TAB2: variants seen among roughly 807,000 people sequenced by gnomAD.
The protein encoded by TAB2 is TGF-beta activated kinase 1 (MAP3K7) binding protein 2, also known as TGF-beta-activated kinase 1 and MAP3K7-binding protein 2.
A neutral mutation model predicts 65.0 loss-of-function variants in TAB2; 3 were observed. The ratio of observed to expected loss-of-function variants is 0.05; its 90% CI spans 0.02 to 0.12. The LOEUF (loss-of-function observed/expected upper bound fraction) is 0.12, where lower values mean the gene tolerates loss of function less well. Ranked by LOEUF, TAB2 falls within the 10% of genes least tolerant of loss-of-function variation. The pLI is 1.00. For missense variants in TAB2, 623 were observed against 840.3 expected (o/e 0.74, Z 3.20); for synonymous variants, 298 against 285.1 (o/e 1.05, Z -0.46).
intron 1 of TAB2, among the ~76,000 whole-genome samples, chr6:149,306,252 A>G (rs1260818640): frequency 6.6e-6 from 1 of 151,892 alleles, no homozygotes; most frequent in Non-Finnish European, 1.5e-5. Context: ...CTAAAAATAC[A>G]AAAATTGGCC....
At chr6:149,282,236 A>G (rs1437903453) in intron 1 of TAB2, among the ~76,000 whole-genome samples, 4 of 152,160 alleles carry the variant, frequency 2.6e-5, no homozygotes, top group Non-Finnish European at 5.9e-5. Flanking sequence ...CTAAATGTCT[A>G]TGCGTCTATA....
chr6:149,293,075 A>G (rs1459319224), intron 1 of TAB2, among the ~76,000 whole-genome samples: 1 of 152,202 alleles, frequency 6.6e-6, no homozygotes, highest in African/African-American at 2.4e-5. Flanking sequence ...AGAACTCCAG[A>G]AATGGCCTTC....
rs548027172 is a variant in TAB2 at position 149,390,914 on chromosome 6, T to C, written c.1604-6690T>C. Among the ~76,000 whole-genome samples the C allele has an allele frequency of 4.6e-5, 7 of 152,360 alleles. No individual in the cohort carries two copies. In the South Asian group the frequency reaches 1.4e-3, roughly 32 times the overall value. On this transcript the variant is annotated intron_variant, in intron 3 of 6. Coordinates refer to ENST00000637181, the MANE Select transcript of TAB2 (RefSeq NM_001292034.3). The stretch of plus-strand genomic sequence containing the variant: ...TTGTTGTTGTTCTCTGCCTTTATCA[T>C]ATCCTTTCAGCATCTCCAAGATACC...
chr6:149,256,975 G>A (rs1778050251), intron 1 of TAB2, among the ~76,000 whole-genome samples: 1 of 152,172 alleles, frequency 6.6e-6, no homozygotes, highest in Non-Finnish European at 1.5e-5. Context: ...TAGTTCTAAA[G>A]AAAACCAATC....
chr6:149,360,329 C>G (rs1022877283), intron 1 of TAB2, among the ~76,000 whole-genome samples: 5 of 152,122 alleles, frequency 3.3e-5, no homozygotes, highest in Non-Finnish European at 4.4e-5. Flanking sequence ...AAGTATGTTG[C>G]CAAGCATCGG....
In TAB2 at chr6:149,378,117, A is replaced by G. The variant is rs1473971289; in HGVS notation, c.202A>G (p.Ile68Val). Reference sequence around the variant, plus strand: ...CTTGAATTTTTCAGATGATTCTGGAATTTCTGGTCTACGCAATCACATGAC... The same window carrying G: ...CTTGAATTTTTCAGATGATTCTGGAGTTTCTGGTCTACGCAATCACATGAC... ...GDLNFSDDSG[I>V]SGLRNHMTSL... The change falls in exon 3 of 7, where the codon ATT becomes GTT. Residue 68 changes from isoleucine (I) to valine (V), a missense_variant. Transcript: ENST00000637181. 6.2e-7 allele frequency: 1 copy of G among 1,614,084 alleles called. No homozygotes were observed. Among genetic ancestry groups the G allele is most frequent in the Non-Finnish European group, 8.5e-7 (1 of 1,180,046 alleles).
intron 3 of TAB2, among the ~76,000 whole-genome samples, chr6:149,390,847 G>A (rs9404034): frequency 2.4e-4 from 37 of 152,006 alleles, no homozygotes; most frequent in Non-Finnish European, 2.1e-4. Flanking sequence ...TCACTGCAAA[G>A]CCCAGTCATT....
chr6:149,405,166 C>G (rs1782621134), intron 6 of TAB2, among the ~76,000 whole-genome samples: 1 of 152,170 alleles, frequency 6.6e-6, no homozygotes, highest in African/African-American at 2.4e-5. Context: ...TTGAAAGGTA[C>G]TCACCCTCAC....
intron 6 of TAB2, among the ~76,000 whole-genome samples, chr6:149,407,747 T>C (rs1782714686): frequency 6.6e-6 from 1 of 151,980 alleles, no homozygotes; most frequent in East Asian, 1.9e-4. Flanking sequence ...TTTCCAATTT[T>C]GGTTATTTAG....
At chr6:149,249,320 C>T (rs918997396) in intron 1 of TAB2, among the ~76,000 whole-genome samples, 2 of 152,102 alleles carry the variant, frequency 1.3e-5, no homozygotes, top group African/African-American at 4.8e-5. Flanking sequence ...AGAATAATCC[C>T]CTCTTCAGCA....
chr6:149,263,886 G>T (rs1308808047), intron 1 of TAB2, among the ~76,000 whole-genome samples: 1 of 152,190 alleles, frequency 6.6e-6, no homozygotes, highest in African/African-American at 2.4e-5. Flanking sequence ...CAGTTCTGGG[G>T]CACCAGATCT....
At chr6:149,376,717 T>C (rs917534657) in intron 2 of TAB2, among the ~76,000 whole-genome samples, 3 of 152,240 alleles carry the variant, frequency 2.0e-5, no homozygotes, top group African/African-American at 7.2e-5. Flanking sequence ...CAGAAATCTG[T>C]GGTTTGTCTC....
chr6:149,312,358 T>A (rs1265293741), intron 1 of TAB2, among the ~76,000 whole-genome samples: 1 of 152,046 alleles, frequency 6.6e-6, no homozygotes, highest in Non-Finnish European at 1.5e-5. Context: ...TTTTTTTTAA[T>A]TTTTTTGTAT....
At position 149,392,281 on chromosome 6, in the gene TAB2, C is replaced by T. The variant is rs190942760; in HGVS notation, c.1604-5323C>T. Among the ~76,000 whole-genome samples, 366 of 152,252 alleles carry T rather than the reference C, an allele frequency of 2.4e-3. 2 individuals carry two copies. Among genetic ancestry groups the T allele is most frequent in the African/African-American group, 8.5e-3 (352 of 41,532 alleles). ...TCAGCCTTCTGAGTAGCTGAGATTA[C>T]AGGCACGCGCCACTACCACCTGGCT... On this transcript the variant is annotated intron_variant, in intron 3 of 6. Coordinates refer to ENST00000637181, the MANE Select transcript of TAB2 (RefSeq NM_001292034.3).
intron 3 of TAB2, among the ~76,000 whole-genome samples, chr6:149,393,019 T>C (rs865956347): frequency 2.2e-4 from 33 of 152,168 alleles, no homozygotes; most frequent in South Asian, 2.1e-4. Context: ...ACCCCTTTTT[T>C]CCCTGTAGTT....
chr6:149,257,972 T>G (rs1206370903), intron 1 of TAB2, among the ~76,000 whole-genome samples: 1 of 152,194 alleles, frequency 6.6e-6, no homozygotes, highest in Non-Finnish European at 1.5e-5. Context: ...AGCAAGCTTT[T>G]GCCCACATGA....
At chr6:149,230,851 G>A (rs1056480182) in intron 1 of TAB2, among the ~76,000 whole-genome samples, 1 of 152,242 alleles carries the variant, frequency 6.6e-6, no homozygotes, top group African/African-American at 2.4e-5. Context: ...GGAAATTACA[G>A]TAAGTATTTT....
intron 1 of TAB2, among the ~76,000 whole-genome samples, chr6:149,367,864 G>A (rs747995800): frequency 2.0e-5 from 3 of 152,054 alleles, no homozygotes; most frequent in Non-Finnish European, 2.9e-5. Context: ...GATTTGGATG[G>A]GGGAGGAATT....
chr6:149,365,157 ATTC>A (rs1260883832), intron 1 of TAB2, among the ~76,000 whole-genome samples: 1 of 152,130 alleles, frequency 6.6e-6, no homozygotes, highest in East Asian at 1.9e-4. Context: ...TGATTTCTTT[ATTC>A]TTTTTCTCAG....
Sources: gnomAD v4.1 joint callset for allele counts (sites outside exome capture counted in the v4.1 genomes callset) on GRCh38, gnomAD v4.1.1 for gene constraint, MANE v1.5 for transcripts, NCBI Gene and HGNC (gene_info 2026-07-23, HGNC 2026-07-21) for gene names.